The following CSMD3 variants were observed in gnomAD, a reference collection of about 807,000 sequenced individuals.
CSMD3 encodes the protein CUB and sushi domain-containing protein 3.
CSMD3 carries 177 observed loss-of-function variants against 435.2 expected under a neutral mutation model. The observed-to-expected ratio is 0.41, with a 90% CI of 0.36 to 0.46. The LOEUF is 0.46. CSMD3 is among the 20% of genes least tolerant of loss of function. CSMD3 has a pLI of 0.34. For synonymous variants in CSMD3, 1,656 were observed against 1,520.5 expected (o/e 1.09, Z -2.07); for missense variants, 4,265 against 4,504.6 (o/e 0.95, Z 1.52).
At chr8:112,533,678 C>A (rs1442064546) in intron 27 of CSMD3, among the ~76,000 whole-genome samples, 8 of 152,000 alleles carry the variant, frequency 5.3e-5, no homozygotes, top group Non-Finnish European at 1.2e-4. Context: ...TAGTGGGGGA[C>A]TTCAACACTC....
intron 22 of CSMD3, among the ~76,000 whole-genome samples, chr8:112,593,410 T>C (rs1831369259): frequency 6.6e-6 from 1 of 152,124 alleles, no homozygotes; most frequent in African/African-American, 2.4e-5. Context: ...GGAGACAAGT[T>C]CGATGTGGGG....
intron 7 of CSMD3, among the ~76,000 whole-genome samples, chr8:112,962,918 GA>G (rs1195887727): frequency 6.6e-6 from 1 of 151,910 alleles, no homozygotes; most frequent in Non-Finnish European, 1.5e-5. Flanking sequence ...GAGCTTGTTA[GA>G]AAAGCAGAAT....
chr8:112,256,114 C>T (rs558926957), intron 61 of CSMD3, among the ~76,000 whole-genome samples: 3 of 152,230 alleles, frequency 2.0e-5, no homozygotes, highest in South Asian at 2.1e-4. Context: ...ATTCAACTTA[C>T]ATTTATTAAT....
At chr8:112,589,253 A>G (rs1463072745) in intron 22 of CSMD3, among the ~76,000 whole-genome samples, 1 of 152,132 alleles carries the variant, frequency 6.6e-6, no homozygotes, top group Non-Finnish European at 1.5e-5. Context: ...CTTCTCTGCC[A>G]TGGACCTTGC....
intron 1 of CSMD3, among the ~76,000 whole-genome samples, chr8:113,346,161 T>C (rs925406581): frequency 2.0e-5 from 3 of 152,054 alleles, no homozygotes; most frequent in African/African-American, 7.2e-5. Flanking sequence ...AGATAGACCA[T>C]GGGAGAGGAG....
intron 45 of CSMD3, among the ~76,000 whole-genome samples, chr8:112,333,241 C>T (rs905500214): frequency 6.6e-6 from 1 of 152,186 alleles, no homozygotes; most frequent in Non-Finnish European, 1.5e-5. Flanking sequence ...CATCTCGGCT[C>T]ACTGCAACCT....
chr8:113,046,331 AC>A (rs1200093733), intron 5 of CSMD3, among the ~76,000 whole-genome samples: 6 of 149,356 alleles, frequency 4.0e-5, no homozygotes, highest in African/African-American at 9.7e-5. Flanking sequence ...ACAAACAACA[AC>A]AACAAAACAA....
chr8:113,218,878 C>T (rs890705706), intron 3 of CSMD3, among the ~76,000 whole-genome samples: 1 of 151,060 alleles, frequency 6.6e-6, no homozygotes, highest in African/African-American at 2.4e-5. Flanking sequence ...AGTCTAAACA[C>T]AAAATTCATT....
intron 9 of CSMD3, among the ~76,000 whole-genome samples, chr8:112,940,514 GC>G (rs2083419931): frequency 6.6e-6 from 1 of 151,634 alleles, no homozygotes; most frequent in African/African-American, 2.4e-5. Context: ...AATTTTAAGG[GC>G]ATTTAACTTT....
chr8:112,935,738 T>A (rs2083262102), intron 9 of CSMD3, among the ~76,000 whole-genome samples: 1 of 151,990 alleles, frequency 6.6e-6, no homozygotes, highest in Non-Finnish European at 1.5e-5. Context: ...GGATTTTTTT[T>A]AAGTATCAAT....
intron 13 of CSMD3, among the ~76,000 whole-genome samples, chr8:112,782,836 C>T (rs2078426417): frequency 6.6e-6 from 1 of 151,850 alleles, no homozygotes; most frequent in Non-Finnish European, 1.5e-5. Context: ...TAGTAGTATA[C>T]CCAGTGAAAA....
At chr8:112,341,410 T>C (rs1378173920) in intron 42 of CSMD3, 67 bp downstream of exon 42, 1 of 1,019,748 alleles carries the variant, frequency 9.8e-7, no homozygotes, top group African/African-American at 1.6e-5. Flanking sequence ...ATAATTAGAC[T>C]CAGTTAAATA....
intron 22 of CSMD3, among the ~76,000 whole-genome samples, chr8:112,614,712 A>T (rs1197001928): frequency 6.6e-6 from 1 of 152,074 alleles, no homozygotes; most frequent in Non-Finnish European, 1.5e-5. Flanking sequence ...TAAACCAAGA[A>T]CTATACAAAG....
At chr8:112,649,681 T>C (rs2075074603) in intron 19 of CSMD3, among the ~76,000 whole-genome samples, 1 of 152,184 alleles carries the variant, frequency 6.6e-6, no homozygotes, top group Admixed American at 6.5e-5. Context: ...CTATTTATTA[T>C]AACTAGGAAC....
intron 47 of CSMD3, among the ~76,000 whole-genome samples, chr8:112,315,341 C>G (rs1586746222): frequency 6.6e-6 from 1 of 151,950 alleles, no homozygotes; most frequent in African/African-American, 2.4e-5. Flanking sequence ...CAACATATAG[C>G]AAATTTTAGT....
At chr8:112,954,925 T>C (rs1347342933) in intron 7 of CSMD3, among the ~76,000 whole-genome samples, 164 bp from the exon 8 acceptor site, 11 of 151,634 alleles carry the variant, frequency 7.3e-5, no homozygotes, top group Admixed American at 7.2e-4. Context: ...TATAATCACT[T>C]AGTAGTAAAA....
rs1564168408 is a variant in CSMD3, at chr8:112,975,845, G to A, written c.1334C>T (p.Thr445Ile). The A allele has an allele frequency of 1.2e-6, 2 of 1,613,050 alleles. No individual in the cohort carries two copies. The highest frequency in any genetic ancestry group is 1.7e-6 in the Non-Finnish European group (2 of 1,179,826). The change falls in exon 7 of 71, where the codon ACT (threonine) becomes ATT (isoleucine). Residue 445 changes from threonine (T) to isoleucine (I), a missense_variant. Physicochemically the swap from Thr to Ile is moderately conservative, Grantham distance 89. Around this residue, in one of 3 missense-constraint regions of CSMD3, gnomAD observed 731 missense variants for 755.4 expected, o/e 0.97. Coordinates refer to ENST00000297405, the MANE Select transcript of CSMD3 (RefSeq NM_198123.2). ...IERTKELAVVTHRVKKAIDFK... is the reference protein window; with the variant it reads ...IERTKELAVVIHRVKKAIDFK... ...AAAATAACATCCAATACCTCTATGAGTAACAACTGCAAGCTCTTTAGTTCT... is the reference window on the plus strand; with the variant it reads ...AAAATAACATCCAATACCTCTATGAATAACAACTGCAAGCTCTTTAGTTCT...
intron 24 of CSMD3, among the ~76,000 whole-genome samples, chr8:112,568,773 C>T (rs1319318258): frequency 6.6e-6 from 1 of 151,978 alleles, no homozygotes; most frequent in Admixed American, 6.6e-5. Context: ...TATAAACACC[C>T]AAGAGTTTCT....
intron 32 of CSMD3, among the ~76,000 whole-genome samples, chr8:112,455,976 A>G (rs1233566955): frequency 6.6e-6 from 1 of 152,106 alleles, no homozygotes; most frequent in East Asian, 1.9e-4. Flanking sequence ...TTTTTTATTT[A>G]TCAATGGTCT....
Sources: allele counts gnomAD v4.1 joint callset (sites outside exome capture counted in the v4.1 genomes callset), GRCh38; gene constraint gnomAD v4.1.1; regional missense constraint gnomAD v4.1.1; transcripts MANE v1.5; gene names NCBI Gene and HGNC (gene_info 2026-07-23, HGNC 2026-07-21).